IMMP2L: variants seen among roughly 807,000 people sequenced by gnomAD.
The protein encoded by IMMP2L is mitochondrial inner membrane protease subunit 2.
Under a neutral mutation model 19.3 loss-of-function variants are expected in IMMP2L, and 18 were observed. The observed-to-expected ratio is 0.93, with a 90% CI of 0.64 to 1.38. The LOEUF (loss-of-function observed/expected upper bound fraction) is 1.38, where lower values mean the gene tolerates loss of function less well. IMMP2L is among the 40% of genes most tolerant of loss of function. The pLI, the probability that IMMP2L is intolerant of heterozygous loss-of-function variation, is 0.00. For synonymous variants in IMMP2L, 76 were observed against 73.0 expected, an observed-to-expected ratio of 1.04 and a Z score of -0.21; for missense variants, 233 against 218.2, an observed-to-expected ratio of 1.07 and a Z score of -0.43.
At chr7:110,736,710 A>C (rs1447697366) in intron 5 of IMMP2L, among the ~76,000 whole-genome samples, 1 of 152,154 alleles carries the variant, frequency 6.6e-6, no homozygotes, top group African/African-American at 2.4e-5. Flanking sequence ...CTCCCTTTTG[A>C]AATGGGAACA....
At chr7:110,845,544 G>A (rs556257701) in intron 5 of IMMP2L, among the ~76,000 whole-genome samples, 2 of 152,040 alleles carry the variant, frequency 1.3e-5, no homozygotes, top group Non-Finnish European at 2.9e-5. Context: ...ATTTACACTA[G>A]TTTCTCTCTG....
At chr7:111,239,390 C>T (rs138910558) in intron 3 of IMMP2L, among the ~76,000 whole-genome samples, 14 of 151,970 alleles carry the variant, frequency 9.2e-5, no homozygotes, top group Non-Finnish European at 1.3e-4. Context: ...TTAATTTTCA[C>T]AAACTTTCGA....
rs74688193 is a variant in IMMP2L, at chr7:111,109,194, T to C, written c.240-145629A>G. 3.7e-3 allele frequency among the ~76,000 whole-genome samples: 562 copies of C among 152,172 alleles called. 1 individual carries two copies. Among genetic ancestry groups the C allele is most frequent in the Non-Finnish European group, 5.7e-3 (386 of 67,996 alleles). ...AACATCTAGAATGTGTAAAACATTTTCAGTACAATTTAACATGTTCATTGC... is the reference window on the plus strand; with the variant it reads ...AACATCTAGAATGTGTAAAACATTTCCAGTACAATTTAACATGTTCATTGC... On this transcript the variant is annotated intron_variant, in intron 3 of 5. Transcript: ENST00000405709.
rs11981774 is a variant in IMMP2L at position 111,349,383 on chromosome 7, G to T, written c.239+137855C>A. ...CCCCCAAGAATTTTACAGGCAAGTG[G>T]GATGCAATATACCTCACTATGGAAA... On this transcript the variant is annotated intron_variant, in intron 3 of 5. Transcript: ENST00000405709. Among the ~76,000 whole-genome samples, 877 of 152,060 alleles carry T rather than the reference G, an allele frequency of 5.8e-3. 13 individuals carry two copies. Among genetic ancestry groups the T allele is most frequent in the African/African-American group, 0.02 (811 of 41,486 alleles).
intron 3 of IMMP2L, among the ~76,000 whole-genome samples, chr7:110,995,964 A>C (rs1483211229): frequency 6.6e-6 from 1 of 152,158 alleles, no homozygotes; most frequent in Admixed American, 6.6e-5. Flanking sequence ...TACACATAAG[A>C]TGCGTGGGGA....
chr7:111,122,022 T>G (rs1197514185), intron 3 of IMMP2L, among the ~76,000 whole-genome samples: 3 of 140,290 alleles, frequency 2.1e-5, no homozygotes, highest in Admixed American at 8.0e-5. Context: ...AGTTGGGAAC[T>G]GAACAATGAG....
chr7:110,722,485 TC>T (rs1795635170), intron 5 of IMMP2L, among the ~76,000 whole-genome samples: 1 of 152,082 alleles, frequency 6.6e-6, no homozygotes, highest in Non-Finnish European at 1.5e-5. Flanking sequence ...GAGCTAAAAG[TC>T]ACTGTCACAC....
chr7:111,476,045 A>C (rs1841693557), intron 3 of IMMP2L, among the ~76,000 whole-genome samples: 1 of 152,144 alleles, frequency 6.6e-6, no homozygotes, highest in Middle Eastern at 3.2e-3. Context: ...TAACAATTCC[A>C]TTTTGATCCC....
At chr7:111,120,880 G>A (rs935419648) in intron 3 of IMMP2L, among the ~76,000 whole-genome samples, 2 of 151,590 alleles carry the variant, frequency 1.3e-5, no homozygotes, top group Admixed American at 6.6e-5. Context: ...AACTCATTTG[G>A]TTGTAAGTGA....
At chr7:111,112,332 T>A (rs890709755) in intron 3 of IMMP2L, among the ~76,000 whole-genome samples, 1 of 152,144 alleles carries the variant, frequency 6.6e-6, no homozygotes, top group Non-Finnish European at 1.5e-5. Flanking sequence ...ATGACAAAGC[T>A]TCACTGACCT....
chr7:110,987,424 T>C (rs2129558990), intron 3 of IMMP2L, among the ~76,000 whole-genome samples: 1 of 152,294 alleles, frequency 6.6e-6, no homozygotes, highest in East Asian at 1.9e-4. Context: ...AGGCAAAATT[T>C]AAAATGGTCC....
intron 3 of IMMP2L, among the ~76,000 whole-genome samples, chr7:111,096,518 A>AC (rs1230151869): frequency 1.3e-5 from 2 of 151,048 alleles, no homozygotes; most frequent in Non-Finnish European, 3.0e-5. Context: ...TAAAAAAAAA[A>AC]AAACAAAACA....
At chr7:110,856,071 T>G (rs1806728574) in intron 5 of IMMP2L, among the ~76,000 whole-genome samples, 1 of 152,058 alleles carries the variant, frequency 6.6e-6, no homozygotes, top group Non-Finnish European at 1.5e-5. Flanking sequence ...CTTATAATGT[T>G]TGAACTGTTC....
chr7:111,206,920 T>C (rs888477489), intron 3 of IMMP2L, among the ~76,000 whole-genome samples: 2 of 152,282 alleles, frequency 1.3e-5, no homozygotes, highest in Non-Finnish European at 2.9e-5. Context: ...ACACCCAGCA[T>C]ACATTTCAAA....
At chr7:111,295,718 T>TTA (rs1191145185) in intron 3 of IMMP2L, among the ~76,000 whole-genome samples, 2 of 151,628 alleles carry the variant, frequency 1.3e-5, no homozygotes, top group African/African-American at 2.4e-5. Context: ...CAAGTAAAAT[T>TTA]TATATATATA....
At chr7:111,519,266 C>T (rs947742345) in intron 2 of IMMP2L, among the ~76,000 whole-genome samples, 3 of 152,098 alleles carry the variant, frequency 2.0e-5, no homozygotes, top group Non-Finnish European at 2.9e-5. Context: ...TTAAAAAAGA[C>T]GGAGCACTCC....
At chr7:111,192,046 T>C (rs1233917193) in intron 3 of IMMP2L, among the ~76,000 whole-genome samples, 1 of 152,026 alleles carries the variant, frequency 6.6e-6, no homozygotes, top group African/African-American at 2.4e-5. Flanking sequence ...CAGAGCAACC[T>C]TATGGTTGAC....
intron 5 of IMMP2L, among the ~76,000 whole-genome samples, chr7:110,702,449 T>C (rs932774368): frequency 6.6e-6 from 1 of 152,190 alleles, no homozygotes; most frequent in Non-Finnish European, 1.5e-5. Context: ...ACATTAACCA[T>C]GAATATTAAT....
At chr7:110,816,577 C>T (rs1337951178) in intron 5 of IMMP2L, among the ~76,000 whole-genome samples, 1 of 151,510 alleles carries the variant, frequency 6.6e-6, no homozygotes, top group Non-Finnish European at 1.5e-5. Context: ...GTTAAAGTCT[C>T]CCATTATTAT....
Sources: allele counts gnomAD v4.1 joint callset (sites outside exome capture counted in the v4.1 genomes callset), GRCh38; gene constraint gnomAD v4.1.1; transcripts MANE v1.5; gene names NCBI Gene and HGNC (gene_info 2026-07-23, HGNC 2026-07-21).